The following DNAH17 variants were observed in gnomAD, a reference collection of about 807,000 sequenced individuals.
DNAH17 encodes dynein axonemal heavy chain 17, also known as axonemal beta dynein heavy chain 17.
A neutral mutation model predicts 485.6 loss-of-function variants in DNAH17; 376 were observed. The ratio of observed to expected loss-of-function variants is 0.77; its 90% CI spans 0.71 to 0.84. The LOEUF is 0.84. Ranked by LOEUF, DNAH17 falls within the 40% of genes least tolerant of loss-of-function variation. DNAH17 has a pLI of 0.00. For missense variants in DNAH17, 6,370 were observed against 5,839.3 expected (o/e 1.09, Z -2.96); for synonymous variants, 3,031 against 2,405.9 (o/e 1.26, Z -7.60).
intron 54 of DNAH17, 115 bp downstream of exon 54, chr17:78,475,163 T>C: frequency 8.3e-7 from 1 of 1,202,342 alleles, no homozygotes; most frequent in Non-Finnish European, 1.2e-6. Flanking sequence ...TAAGGACTAT[T>C]GGTGATGCTC....
At chr17:78,515,797 T>C (rs569460242) in intron 25 of DNAH17, among the ~76,000 whole-genome samples, 1 of 152,362 alleles carries the variant, frequency 6.6e-6, no homozygotes, top group African/African-American at 2.4e-5. Flanking sequence ...AACTACAGCA[T>C]GCACTTTGCA....
In DNAH17 at chr17:78,561,765, C is replaced by T. The variant is rs370378651; in HGVS notation, c.1785G>A (p.Leu595=). 18 of 1,612,882 alleles carry T rather than the reference C, an allele frequency of 1.1e-5. No homozygotes were observed. The highest frequency in any genetic ancestry group is 2.2e-5 in the East Asian group (1 of 44,856). The part of the protein sequence containing the change: ...VAGQLKWSLE[L]QERLEVSMKH... ...TCATGGACACCTCTAGCCTCTCCTGCAGCTCCAGGCTCCATTTGAGCTGCC... is the reference window on the plus strand; with the variant it reads ...TCATGGACACCTCTAGCCTCTCCTGTAGCTCCAGGCTCCATTTGAGCTGCC... The change falls in exon 12 of 81, where the codon CTG becomes CTA. Residue 595 remains leucine (L), a synonymous_variant. Transcript: ENST00000389840.
At chr17:78,575,820 A>G (rs980021963) in intron 1 of DNAH17, among the ~76,000 whole-genome samples, 9 of 152,248 alleles carry the variant, frequency 5.9e-5, no homozygotes, top group African/African-American at 1.9e-4. Flanking sequence ...ACACCCAAAC[A>G]GTCATCAAGA....
At chr17:78,434,879 T>C (rs984289741) in intron 74 of DNAH17, among the ~76,000 whole-genome samples, 1 of 152,194 alleles carries the variant, frequency 6.6e-6, no homozygotes, top group Non-Finnish European at 1.5e-5. Flanking sequence ...GGAGCACCTC[T>C]GGGGCCAGGC....
chr17:78,547,003 A>C (rs1430758953), intron 16 of DNAH17, among the ~76,000 whole-genome samples: 3 of 152,168 alleles, frequency 2.0e-5, no homozygotes, highest in Non-Finnish European at 2.9e-5. Flanking sequence ...CCTCCTCCTA[A>C]CTACCAATTA....
intron 31 of DNAH17, 117 bp downstream of exon 31, chr17:78,505,176 G>A (rs989721552): frequency 1.0e-4 from 134 of 1,344,714 alleles, no homozygotes; most frequent in Admixed American, 4.0e-4. Flanking sequence ...GAGCAGGGGC[G>A]GGCTGGCAGC....
At chr17:78,465,069 T>C (rs1198243032) in intron 56 of DNAH17, among the ~76,000 whole-genome samples, 1 of 152,196 alleles carries the variant, frequency 6.6e-6, no homozygotes, top group East Asian at 1.9e-4. Context: ...GCCTGCCCAG[T>C]GCCTGCGATT....
In DNAH17 at chr17:78,524,994, G is replaced by T; in HGVS notation, c.3864+15C>A. 1 of 1,593,204 alleles carries T rather than the reference G, an allele frequency of 6.3e-7. No individual in the cohort carries two copies. The highest frequency in any genetic ancestry group is 8.6e-7 in the Non-Finnish European group (1 of 1,164,516). On this transcript the variant is annotated intron_variant, in intron 25 of 80. Coordinates refer to ENST00000389840, the MANE Select transcript of DNAH17 (RefSeq NM_173628.4). ...GAATCCCGGGCCCCACCCACGCGGCGTGCCCTGCACTCACCACAACAACCA... is the reference window on the plus strand; with the variant it reads ...GAATCCCGGGCCCCACCCACGCGGCTTGCCCTGCACTCACCACAACAACCA...
chr17:78,425,461 C>G lies in DNAH17; in HGVS notation c.13026G>C (p.Lys4342Asn), dbSNP rs762936149. Residue 4342 changes from lysine (K) to asparagine (N), a missense_variant, in exon 80 of 81, where the codon AAG (lysine) becomes AAC (asparagine). Coordinates refer to ENST00000389840, the MANE Select transcript of DNAH17 (RefSeq NM_173628.4). ...ACATCTTGTCCAGGGGCCACTCGTT[C>G]TTCCTGGCCATGGACTGCATGATGG... ...LTAIMQSMARKNEWPLDKMCL... is the reference protein window; with the variant it reads ...LTAIMQSMARNNEWPLDKMCL... The G allele has an allele frequency of 6.2e-7, 1 of 1,613,984 alleles. No individual in the cohort carries two copies. Among genetic ancestry groups the G allele is most frequent in the South Asian group, 1.1e-5 (1 of 91,086 alleles).
chr17:78,508,889 T>TC, intron 27 of DNAH17, among the ~76,000 whole-genome samples: 1 of 151,706 alleles, frequency 6.6e-6, no homozygotes, highest in Non-Finnish European at 1.5e-5. Context: ...GCAGCCTCCA[T>TC]CTCCTGAGCT....
intron 49 of DNAH17, among the ~76,000 whole-genome samples, chr17:78,479,876 G>T (rs2089271980): frequency 6.6e-6 from 1 of 152,128 alleles, no homozygotes; most frequent in African/African-American, 2.4e-5. Flanking sequence ...CAAGAGATGG[G>T]CTCAGAGTAC....
chr17:78,492,810 C>A lies in DNAH17; in HGVS notation c.6409-45G>T, dbSNP rs200087076. 455 of 1,590,176 alleles carry A rather than the reference C, an allele frequency of 2.9e-4. 2 individuals are homozygous for A. Among genetic ancestry groups the A allele is most frequent in the Non-Finnish European group, 8.2e-5 (96 of 1,165,820 alleles). Reference sequence around the variant, plus strand: ...CTCACGTGTGACTCCATGTTCCTGGCACATCCTGCCCCACTAGCCTCAGGA... The same window carrying A: ...CTCACGTGTGACTCCATGTTCCTGGAACATCCTGCCCCACTAGCCTCAGGA... On this transcript the variant is annotated intron_variant, in intron 41 of 80. Coordinates refer to ENST00000389840, the MANE Select transcript of DNAH17 (RefSeq NM_173628.4).
chr17:78,514,685 C>T, intron 26 of DNAH17, 89 bp downstream of exon 26: 1 of 1,504,444 alleles, frequency 6.6e-7, no homozygotes, highest in East Asian at 2.4e-5. Flanking sequence ...GGGCCCTGAA[C>T]ACCTTGGCTA....
At chr17:78,529,145 T>C (rs895121964) in intron 22 of DNAH17, among the ~76,000 whole-genome samples, 1 of 152,140 alleles carries the variant, frequency 6.6e-6, no homozygotes, top group African/African-American at 2.4e-5. Flanking sequence ...TTCTCCCACG[T>C]TGCTCAGGCT....
At position 78,530,365 on chromosome 17, in the gene DNAH17, G is replaced by A; in HGVS notation, c.3262C>T (p.Leu1088=). Residue 1088 remains leucine (L), a synonymous_variant, in exon 21 of 81, where the codon CTG becomes TTG. Transcript: ENST00000389840. The part of the protein sequence containing the change: ...RRWGFMFKRH[L]SNHVTNSLAD... ...CACCTGTTGGTGACGTGGTTGCTCA[G>A]GTGCCGCTTGAACATGAAGCCCCAG... 1 of 1,611,432 alleles carries A rather than the reference G, an allele frequency of 6.2e-7. No homozygotes were observed. Among genetic ancestry groups the A allele is most frequent in the African/African-American group, 1.3e-5 (1 of 75,024 alleles).
chr17:78,533,703 G>A (rs987646226), intron 19 of DNAH17, among the ~76,000 whole-genome samples: 2 of 152,000 alleles, frequency 1.3e-5, no homozygotes, highest in African/African-American at 4.8e-5. Context: ...ATTTCTTTTT[G>A]AGACAGAGTT....
In DNAH17 at chr17:78,528,604, G is replaced by A. The variant is rs1026743595; in HGVS notation, c.3507+868C>T. ...GGAGAGGGCGGGAGGAGGGGTGGAC[G>A]GGCTGGGAGGAGTTGGAAACTCCAG... On this transcript the variant is annotated intron_variant, in intron 22 of 80. Coordinates refer to ENST00000389840, the MANE Select transcript of DNAH17 (RefSeq NM_173628.4). Among the ~76,000 whole-genome samples, 7 of 152,106 alleles carry A rather than the reference G, an allele frequency of 4.6e-5. No homozygotes were observed. In the South Asian group the frequency reaches 6.2e-4, roughly 14 times the overall value.
chr17:78,460,296 G>A (rs752266979), intron 58 of DNAH17, 39 bp from the exon 59 acceptor site: 7 of 1,537,330 alleles, frequency 4.6e-6, no homozygotes, highest in African/African-American at 1.4e-5. Context: ...CTGCAGGCCT[G>A]TCCATGTGCC....
intron 54 of DNAH17, among the ~76,000 whole-genome samples, chr17:78,469,345 G>A (rs1373909487): frequency 6.6e-6 from 1 of 152,186 alleles, no homozygotes; most frequent in Non-Finnish European, 1.5e-5. Flanking sequence ...GTTTCACTAT[G>A]TTAGCCAGGA....
Sources: gnomAD v4.1 joint callset for allele counts (sites outside exome capture counted in the v4.1 genomes callset) on GRCh38, gnomAD v4.1.1 for gene constraint, MANE v1.5 for transcripts, NCBI Gene and HGNC (gene_info 2026-07-23, HGNC 2026-07-21) for gene names.